The following CCDC73 variants were observed in gnomAD, a reference collection of about 807,000 sequenced individuals.
The protein encoded by CCDC73 is coiled-coil domain containing 73.
CCDC73 carries 95 observed loss-of-function variants against 116.5 expected under a neutral mutation model. The ratio of observed to expected loss-of-function variants is 0.82; its 90% confidence interval spans 0.69 to 0.97. CCDC73 has a LOEUF of 0.97. Ranked by LOEUF, CCDC73 falls within the 50% of genes least tolerant of loss-of-function variation. CCDC73 has a pLI of 0.00. For synonymous variants in CCDC73, 398 were observed against 401.3 expected, an observed-to-expected ratio of 0.99 and a Z score of 0.10; for missense variants, 1,066 against 1,206.8, an observed-to-expected ratio of 0.88 and a Z score of 1.73.
chr11:32,655,184 A>G (rs540783525), intron 9 of CCDC73, among the ~76,000 whole-genome samples: 1 of 152,258 alleles, frequency 6.6e-6, no homozygotes, highest in Admixed American at 6.5e-5. Flanking sequence ...GATTGACTGC[A>G]TGACTTTTAA....
Position 32,771,970 on chromosome 11 carries a change from A to G in CCDC73, c.-15-11712T>C, listed in dbSNP as rs138810189. On this transcript the variant is annotated intron_variant, in intron 1 of 17. Coordinates refer to ENST00000335185, the MANE Select transcript of CCDC73 (RefSeq NM_001008391.4). ...AACGAGAAGTTCAGAATCAAAGACT[A>G]CATGGAGAGAGGAGGCCCAGCCATC... Among the ~76,000 whole-genome samples, 1,439 of 152,296 alleles carry G rather than the reference A, an allele frequency of 9.4e-3. 13 individuals are homozygous for G. The highest frequency in any genetic ancestry group is 0.015 in the Non-Finnish European group (1,004 of 68,008).
chr11:32,744,250 G>A (rs1349189754), intron 2 of CCDC73, among the ~76,000 whole-genome samples: 1 of 152,158 alleles, frequency 6.6e-6, no homozygotes, highest in Non-Finnish European at 1.5e-5. Flanking sequence ...GCATCCCAGG[G>A]ATGAAGACAA....
chr11:32,824,615 G>A, the CCDC73 span, among the ~76,000 whole-genome samples: 1,065 of 152,284 alleles, frequency 7.0e-3, 14 homozygotes, highest in African/African-American at 0.025. Flanking sequence ...ATGCCAGCCA[G>A]GTGAGGTACT....
chr11:32,749,605 A>G (rs912481796), intron 2 of CCDC73, among the ~76,000 whole-genome samples: 1 of 151,992 alleles, frequency 6.6e-6, no homozygotes, highest in East Asian at 1.9e-4. Context: ...TGGGCATTGA[A>G]GAGTGGGGTA....
At chr11:32,611,348 G>C in intron 16 of CCDC73, 83 bp from the exon 17 acceptor site, 1 of 1,190,174 alleles carries the variant, frequency 8.4e-7, no homozygotes, top group Non-Finnish European at 1.2e-6. Context: ...CTGATCCTAT[G>C]CTTTTGTATT....
At chr11:32,821,200 C>G in the CCDC73 span, among the ~76,000 whole-genome samples, 4 of 152,012 alleles carry the variant, frequency 2.6e-5, no homozygotes, top group Non-Finnish European at 5.9e-5. Flanking sequence ...TCATTTAATT[C>G]TTAAAGTCAT....
At chr11:32,607,049 G>A (rs1381107340) in intron 17 of CCDC73, among the ~76,000 whole-genome samples, 1 of 146,734 alleles carries the variant, frequency 6.8e-6, no homozygotes, top group African/African-American at 2.5e-5. Flanking sequence ...GGGATTACAG[G>A]CTTGAGCCCA....
At chr11:32,640,287 C>A (rs535146699) in intron 13 of CCDC73, among the ~76,000 whole-genome samples, 94 of 152,192 alleles carry the variant, frequency 6.2e-4, no homozygotes, top group African/African-American at 2.2e-3. Flanking sequence ...TAGATTGAGG[C>A]CTCACCAGTG....
intron 6 of CCDC73, among the ~76,000 whole-genome samples, chr11:32,692,567 T>C (rs1856270894): frequency 6.6e-6 from 1 of 152,194 alleles, no homozygotes; most frequent in South Asian, 2.1e-4. Context: ...GCTTTGGAGC[T>C]GAACATCTTA....
At chr11:32,648,221 C>T (rs1289639179) in intron 12 of CCDC73, among the ~76,000 whole-genome samples, 5 of 152,222 alleles carry the variant, frequency 3.3e-5, no homozygotes, top group Non-Finnish European at 7.3e-5. Context: ...CCTTTGATTT[C>T]GTTTCTACTT....
At chr11:32,827,390 C>T in the CCDC73 span, among the ~76,000 whole-genome samples, 1 of 152,152 alleles carries the variant, frequency 6.6e-6, no homozygotes, top group Non-Finnish European at 1.5e-5. Flanking sequence ...GGGAAACACA[C>T]AGGGATGTAA....
chr11:32,711,332 C>T (rs974497353), intron 3 of CCDC73, among the ~76,000 whole-genome samples: 4 of 152,162 alleles, frequency 2.6e-5, no homozygotes, highest in Non-Finnish European at 5.9e-5. Flanking sequence ...CAAAAAAATA[C>T]TTGTACATCC....
upstream of CCDC73, among the ~76,000 whole-genome samples, chr11:32,798,456 CG>C (rs1565104361): frequency 6.6e-6 from 1 of 152,192 alleles, no homozygotes; most frequent in Non-Finnish European, 1.5e-5. Context: ...CACAGGCGCA[CG>C]CCACCATGCC....
At chr11:32,736,307 T>C (rs1181119476) in intron 2 of CCDC73, among the ~76,000 whole-genome samples, 2 of 151,932 alleles carry the variant, frequency 1.3e-5, no homozygotes, top group Non-Finnish European at 2.9e-5. Flanking sequence ...CTCAAACAAA[T>C]TTACAAGAAA....
At chr11:32,765,300 G>A (rs976394187) in intron 1 of CCDC73, among the ~76,000 whole-genome samples, 3 of 152,024 alleles carry the variant, frequency 2.0e-5, no homozygotes, top group Admixed American at 6.6e-5. Context: ...ACCCCAAATC[G>A]ACATAATATA....
At chr11:32,776,939 ATAT>A (rs1850538316) in intron 1 of CCDC73, among the ~76,000 whole-genome samples, 35 of 18,354 alleles carry the variant, frequency 1.9e-3, no homozygotes, top group African/African-American at 5.2e-3. Context: ...AAAAAAAAAT[ATAT>A]ATATATATAT....
intron 2 of CCDC73, among the ~76,000 whole-genome samples, chr11:32,754,955 T>G (rs1031462833): frequency 6.8e-6 from 1 of 146,996 alleles, no homozygotes; most frequent in African/African-American, 2.5e-5. Flanking sequence ...TGGCACGATC[T>G]TGGCTCACTG....
At chr11:32,689,535 TAG>T (rs1783351546) in intron 6 of CCDC73, among the ~76,000 whole-genome samples, 1 of 151,878 alleles carries the variant, frequency 6.6e-6, no homozygotes, top group South Asian at 2.1e-4. Flanking sequence ...TTTTAATGAT[TAG>T]AGACATAAAA....
chr11:32,616,329 T>G (rs777480651), intron 14 of CCDC73, among the ~76,000 whole-genome samples, 200 bp from the exon 15 acceptor site: 8 of 152,336 alleles, frequency 5.3e-5, no homozygotes, highest in African/African-American at 1.9e-4. Context: ...ATATAGTCTA[T>G]CATATTTAAG....
Sources: gnomAD v4.1 joint callset for allele counts (sites outside exome capture counted in the v4.1 genomes callset) on GRCh38, gnomAD v4.1.1 for gene constraint, MANE v1.5 for transcripts, NCBI Gene and HGNC (gene_info 2026-07-23, HGNC 2026-07-21) for gene names.